Variants in ZNF703 observed in about 807,000 individuals in gnomAD.
ZNF703 encodes NocA-like zinc finger 1.
Under a neutral mutation model 30.7 loss-of-function variants are expected in ZNF703, and 18 were observed. The observed-to-expected ratio is 0.59, with a 90% CI of 0.40 to 0.87. ZNF703 has a LOEUF of 0.87. Ranked by LOEUF, ZNF703 falls within the 40% of genes least tolerant of loss-of-function variation. ZNF703 has a pLI of 0.00. For missense variants in ZNF703, 814 were observed against 847.8 expected, an observed-to-expected ratio of 0.96 and a Z score of 0.50; for synonymous variants, 457 against 438.6, an observed-to-expected ratio of 1.04 and a Z score of -0.52.
At position 37,697,990 on chromosome 8, in the gene ZNF703, C is replaced by A; in HGVS notation, c.1089C>A (p.Leu363=). 1 of 1,568,490 alleles carries A rather than the reference C, an allele frequency of 6.4e-7. No individual in the cohort carries two copies. Among genetic ancestry groups the A allele is most frequent in the East Asian group, 2.3e-5 (1 of 43,188 alleles). ...PPGKPPSSSP[L]TGASPPSFLQ... is the part of the protein sequence containing the mutation. ...GCAAGCCCCCCAGCTCCAGCCCGCT[C>A]ACCGGGGCCTCCCCGCCCTCCTTCC... The change falls in exon 2 of 2, where the codon CTC becomes CTA. Residue 363 remains leucine (L), a synonymous_variant. Transcript: ENST00000331569.
At position 37,698,336 on chromosome 8, in the gene ZNF703, A is replaced by G; in HGVS notation, c.1435A>G (p.Ser479Gly). Residue 479 changes from serine (S) to glycine (G), a missense_variant, in exon 2 of 2, where the codon AGC becomes GGC. By Grantham distance (56) the Ser-to-Gly change is moderately conservative. Transcript: ENST00000331569. Reference sequence around the variant, plus strand: ...CTTCGCCACCTCGGAGGAGCTGCTCAGCCACCTACGGACCCACACGGCCCT... The same window carrying G: ...CTTCGCCACCTCGGAGGAGCTGCTCGGCCACCTACGGACCCACACGGCCCT... ...KRFATSEELL[S>G]HLRTHTALPG... 2 of 1,540,254 alleles carry G rather than the reference A, an allele frequency of 1.3e-6. No homozygotes were observed. Among genetic ancestry groups the G allele is most frequent in the Non-Finnish European group, 1.7e-6 (2 of 1,144,462 alleles).
chr8:37,698,239 C>T lies in ZNF703; in HGVS notation c.1338C>T (p.Gly446=). ...ALPGHPLYTY[G]FMLQNEPLPH... is the part of the protein sequence containing the mutation. ...CCGGCCACCCGCTCTACACCTACGG[C>T]TTCATGCTGCAGAACGAACCGCTGC... The change falls in exon 2 of 2, where the codon GGC becomes GGT. Residue 446 remains glycine (G), a synonymous_variant. Transcript: ENST00000331569. 3.9e-6 allele frequency: 6 copies of T among 1,538,720 alleles called. No homozygotes were observed. The highest frequency in any genetic ancestry group is 5.2e-6 in the Non-Finnish European group (6 of 1,148,562).
rs1444410151 is a variant in ZNF703 at position 37,698,355 on chromosome 8, C to A, written c.1454C>A (p.Thr485Lys). 6.5e-7 allele frequency: 1 copy of A among 1,531,724 alleles called. No homozygotes were observed. Among genetic ancestry groups the A allele is most frequent in the Admixed American group, 2.0e-5 (1 of 49,608 alleles). The allele number at this position is 1,531,724 out of a possible 1,614,324, so 94.9% of individuals were successfully genotyped here. ...CTGCTCAGCCACCTACGGACCCACA[C>A]GGCCCTGCCGGGAGCCGAGAAACTT... ...EELLSHLRTH[T>K]ALPGAEKLLA... Residue 485 changes from threonine to lysine, a missense_variant, in exon 2 of 2, where the codon ACG (threonine) becomes AAG (lysine). Coordinates refer to ENST00000331569, the MANE Select transcript of ZNF703 (RefSeq NM_025069.3).
At position 37,698,532 on chromosome 8, in the gene ZNF703, G is replaced by C; in HGVS notation, c.1631G>C (p.Arg544Pro). The C allele has an allele frequency of 6.4e-7, 1 of 1,570,034 alleles. No individual in the cohort carries two copies. ...LRNPHTLGLS[R>P]YHPYGKSHLS... is the part of the protein sequence containing the mutation. ...AATCCACACACTTTGGGCCTAAGCC[G>C]GTACCACCCCTATGGCAAGAGCCAC... The change falls in exon 2 of 2, where the codon CGG becomes CCG. Residue 544 changes from arginine to proline, a missense_variant. Arg to Pro is a moderately radical substitution (Grantham distance 103). Coordinates refer to ENST00000331569, the MANE Select transcript of ZNF703 (RefSeq NM_025069.3).
rs1474642443 is a variant in ZNF703, at chr8:37,697,007, C to T, written c.244-138C>T. 9 of 1,078,114 alleles carry T rather than the reference C, an allele frequency of 8.3e-6. No homozygotes were observed. In the East Asian group the frequency reaches 2.1e-4, roughly 25 times the overall value. The allele number at this position is 1,078,114 out of a possible 1,614,324, so 66.8% of individuals were successfully genotyped here. A position where few individuals can be genotyped will look rare whatever the true frequency, so the allele number is the denominator to read the frequency against. On this transcript the variant is annotated intron_variant, in intron 1 of 1. Transcript: ENST00000331569. The stretch of plus-strand genomic sequence containing the variant: ...GTTCCGCCAGCTGCCGCGCCCGGCC[C>T]GGCCCTCGCTCGCAGACCCTCTCCC...
In ZNF703 at chr8:37,698,645, G is replaced by C; in HGVS notation, c.1744G>C (p.Ala582Pro). The change falls in exon 2 of 2, where the codon GCT becomes CCT. Residue 582 changes from alanine to proline, a missense_variant. Ala to Pro is a conservative substitution (Grantham distance 27, BLOSUM62 -1). Coordinates refer to ENST00000331569, the MANE Select transcript of ZNF703 (RefSeq NM_025069.3). ...SPYALYGQRL[A>P]SASALGYQ Reference sequence around the variant, plus strand: ...ATACGCGCTGTATGGACAGAGACTAGCTTCAGCCTCGGCGCTGGGATACCA... The same window carrying C: ...ATACGCGCTGTATGGACAGAGACTACCTTCAGCCTCGGCGCTGGGATACCA... 6.7e-7 allele frequency: 1 copy of C among 1,491,726 alleles called. No individual in the cohort carries two copies. Among genetic ancestry groups the C allele is most frequent in the Non-Finnish European group, 8.9e-7 (1 of 1,119,824 alleles). The allele number at this position is 1,491,726 out of a possible 1,614,324, so 92.4% of individuals were successfully genotyped here. A position where few individuals can be genotyped will look rare whatever the true frequency, so the allele number is the denominator to read the frequency against.
In ZNF703 at chr8:37,698,118, G is replaced by A; in HGVS notation, c.1217G>A (p.Gly406Glu). Residue 406 changes from glycine (G) to glutamate (E), a missense_variant, in exon 2 of 2, where the codon GGG becomes GAG. Coordinates refer to ENST00000331569, the MANE Select transcript of ZNF703 (RefSeq NM_025069.3). ...ACCTGCAGCGCGCACGACCCTGCCGGGCCCAGCCTGAAGGCGGGGGGCTAC... is the reference window on the plus strand; with the variant it reads ...ACCTGCAGCGCGCACGACCCTGCCGAGCCCAGCCTGAAGGCGGGGGGCTAC... ...CSTCSAHDPA[G>E]PSLKAGGYPL... is the part of the protein sequence containing the mutation. 2 of 1,531,758 alleles carry A rather than the reference G, an allele frequency of 1.3e-6. No homozygotes were observed. The highest frequency in any genetic ancestry group is 1.7e-6 in the Non-Finnish European group (2 of 1,145,174). 94.9% of individuals were successfully genotyped at this position (1,531,758 alleles called of 1,614,324 possible). A position where few individuals can be genotyped will look rare whatever the true frequency, so the allele number is the denominator to read the frequency against.
rs1260643172 is a variant in ZNF703, at chr8:37,696,966, C to G, written c.244-179C>G. On this transcript the variant is annotated intron_variant, in intron 1 of 1. Coordinates refer to ENST00000331569, the MANE Select transcript of ZNF703 (RefSeq NM_025069.3). This position sits in a 1 kb window ranked among gnomAD's most constrained non-coding sequence, Gnocchi z 8.2. ...GCCTGCGGCGCACCCCGGGACCCAG[C>G]GGCAGTGTGGGCGCAGTTCCGCCAG... 6.6e-6 allele frequency among the ~76,000 whole-genome samples: 1 copy of G among 152,046 alleles called. No homozygotes were observed. The highest frequency in any genetic ancestry group is 1.5e-5 in the Non-Finnish European group (1 of 67,982).
At position 37,697,489 on chromosome 8, in the gene ZNF703, C is replaced by A; in HGVS notation, c.588C>A (p.Ser196Arg). The change falls in exon 2 of 2, where the codon AGC becomes AGA. Residue 196 changes from serine (S) to arginine (R), a missense_variant. By Grantham distance (110) the Ser-to-Arg change is moderately radical. Coordinates refer to ENST00000331569, the MANE Select transcript of ZNF703 (RefSeq NM_025069.3). ...PGDKAGFRVP[S>R]AACPPFPPHG... Reference sequence around the variant, plus strand: ...ACAAGGCGGGCTTCAGGGTCCCCAGCGCCGCCTGCCCGCCCTTTCCCCCGC... The same window carrying A: ...ACAAGGCGGGCTTCAGGGTCCCCAGAGCCGCCTGCCCGCCCTTTCCCCCGC... The A allele has an allele frequency of 6.5e-7, 1 of 1,534,728 alleles. No individual in the cohort carries two copies. The highest frequency in any genetic ancestry group is 8.7e-7 in the Non-Finnish European group (1 of 1,145,386).
chr8:37,698,227 C>A lies in ZNF703; in HGVS notation c.1326C>A (p.Leu442=). The A allele has an allele frequency of 6.5e-7, 1 of 1,537,292 alleles. No individual in the cohort carries two copies. Among genetic ancestry groups the A allele is most frequent in the East Asian group, 2.4e-5 (1 of 40,928 alleles). The change falls in exon 2 of 2, where the codon CTC becomes CTA. Residue 442 remains leucine (L), a synonymous_variant. Transcript: ENST00000331569. The stretch of plus-strand genomic sequence containing the variant: ...AGGCCGCGCTCCCCGGCCACCCGCT[C>A]TACACCTACGGCTTCATGCTGCAGA... ...AAQAALPGHP[L]YTYGFMLQNE... is the part of the protein sequence containing the mutation.
rs1802118034 is a variant in ZNF703, at chr8:37,698,629, G to A, written c.1728G>A (p.Leu576=). Residue 576 remains leucine (L), a synonymous_variant, in exon 2 of 2, where the codon CTG becomes CTA. Coordinates refer to ENST00000331569, the MANE Select transcript of ZNF703 (RefSeq NM_025069.3). ...GACCCTACTATTCGCCATACGCGCT[G>A]TATGGACAGAGACTAGCTTCAGCCT... ...TAGPYYSPYA[L]YGQRLASASA... The A allele has an allele frequency of 2.0e-6, 3 of 1,529,944 alleles. No homozygotes were observed. Among genetic ancestry groups the A allele is most frequent in the Non-Finnish European group, 2.6e-6 (3 of 1,141,432 alleles). 94.8% of individuals were successfully genotyped at this position (1,529,944 alleles called of 1,614,324 possible).
Position 37,698,457 on chromosome 8 carries a change from A to C in ZNF703, c.1556A>C (p.His519Pro), listed in dbSNP as rs776775335. The change falls in exon 2 of 2, where the codon CAC (histidine) becomes CCC (proline). Residue 519 changes from histidine to proline, a missense_variant. Transcript: ENST00000331569. ...GCCGCCGCCGCCTCCTGCCATCTGC[A>C]CCTCCCCCCGCCCGCCGCCCCCGGC... ...AAAAAASCHLHLPPPAAPGSP... is the reference protein window; with the variant it reads ...AAAAAASCHLPLPPPAAPGSP... 1 of 1,490,490 alleles carries C rather than the reference A, an allele frequency of 6.7e-7. No individual in the cohort carries two copies. Among genetic ancestry groups the C allele is most frequent in the Admixed American group, 2.4e-5 (1 of 41,012 alleles). The allele number at this position is 1,490,490 out of a possible 1,614,324, so 92.3% of individuals were successfully genotyped here.
chr8:37,697,828 G>T lies in ZNF703; in HGVS notation c.927G>T (p.Pro309=). ...CGGGCCACTCGGTGTTCCCGCTGCC[G>T]CCCTCCAGCATTGGCTACCACGGCT... ...YKPGHSVFPL[P]PSSIGYHGSI... The change falls in exon 2 of 2, where the codon CCG becomes CCT. Residue 309 remains proline, a synonymous_variant. Transcript: ENST00000331569. 2 of 1,534,592 alleles carry T rather than the reference G, an allele frequency of 1.3e-6. No individual in the cohort carries two copies. The highest frequency in any genetic ancestry group is 1.7e-6 in the Non-Finnish European group (2 of 1,146,332).
chr8:37,698,133 C>CG lies in ZNF703; in HGVS notation c.1238dup (p.Tyr414LeufsTer231), dbSNP rs1466231428. The CG allele has an allele frequency of 1.3e-6, 2 of 1,529,966 alleles. No individual in the cohort carries two copies. Among genetic ancestry groups the CG allele is most frequent in the South Asian group, 1.2e-5 (1 of 83,420 alleles). 94.8% of individuals were successfully genotyped at this position (1,529,966 alleles called of 1,614,324 possible). On this transcript the variant is annotated frameshift_variant, in exon 2 of 2. Coordinates refer to ENST00000331569, the MANE Select transcript of ZNF703 (RefSeq NM_025069.3). LOFTEE classifies it high-confidence loss of function. ...GACCCTGCCGGGCCCAGCCTGAAGG[C>CG]GGGGGGCTACCCGCTGGTGTACCCC...
chr8:37,697,558 C>A lies in ZNF703; in HGVS notation c.657C>A (p.Gly219=). The A allele has an allele frequency of 6.9e-7, 1 of 1,459,540 alleles. No homozygotes were observed. Among genetic ancestry groups the A allele is most frequent in the South Asian group, 1.4e-5 (1 of 72,128 alleles). 90.4% of individuals were successfully genotyped at this position (1,459,540 alleles called of 1,614,324 possible). Residue 219 remains glycine (G), a synonymous_variant, in exon 2 of 2, where the codon GGC becomes GGA. Transcript: ENST00000331569. The part of the protein sequence containing the change: ...VSASSSSSSP[G]GSRGGSPHHS... ...CATCCTCGTCCTCGTCGTCGCCCGG[C>A]GGCTCCCGCGGCGGCTCCCCGCACC...
Position 37,695,889 on chromosome 8 carries a change from A to G in ZNF703, c.-91A>G, listed in dbSNP as rs1802058122. 8 of 1,243,428 alleles carry G rather than the reference A, an allele frequency of 6.4e-6. No individual in the cohort carries two copies. Among genetic ancestry groups the G allele is most frequent in the Non-Finnish European group, 7.4e-6 (7 of 944,280 alleles). 77.0% of individuals were successfully genotyped at this position (1,243,428 alleles called of 1,614,324 possible). A position where few individuals can be genotyped will look rare whatever the true frequency, so the allele number is the denominator to read the frequency against. On this transcript the variant is annotated 5_prime_UTR_variant, in exon 1 of 2. Transcript: ENST00000331569. ...CGCAGCTCCCGCTGCACCGCGATCG[A>G]CGCTGCGGAGCGAGCCCACCCGCCC...
chr8:37,698,706 C>CCCTCCTCCCTCTCCCT lies in ZNF703; in HGVS notation c.*44_*59dup. The CCCTCCTCCCTCTCCCT allele has an allele frequency of 3.6e-6, 5 of 1,391,574 alleles. No individual in the cohort carries two copies. The highest frequency in any genetic ancestry group is 9.3e-7 in the Non-Finnish European group (1 of 1,070,028). The allele number at this position is 1,391,574 out of a possible 1,614,324, so 86.2% of individuals were successfully genotyped here. A position where few individuals can be genotyped will look rare whatever the true frequency, so the allele number is the denominator to read the frequency against. On this transcript the variant is annotated 3_prime_UTR_variant, in exon 2 of 2. Coordinates refer to ENST00000331569, the MANE Select transcript of ZNF703 (RefSeq NM_025069.3). The stretch of plus-strand genomic sequence containing the variant: ...CTCTTCCTCCACCCCAGCCCCCTCA[C>CCCTCCTCCCTCTCCCT]CCTCCTCCCTCTCCCTCCTCCTCCC...
chr8:37,697,692 G>A lies in ZNF703; in HGVS notation c.791G>A (p.Gly264Glu). Residue 264 changes from glycine (G) to glutamate (E), a missense_variant, in exon 2 of 2, where the codon GGG (glycine) becomes GAG (glutamate). Gly to Glu is a moderately conservative substitution (Grantham distance 98). Coordinates refer to ENST00000331569, the MANE Select transcript of ZNF703 (RefSeq NM_025069.3). ...EPAAVSRGGGGEPGAHGGAES... is the reference protein window; with the variant it reads ...EPAAVSRGGGEEPGAHGGAES... Reference sequence around the variant, plus strand: ...GCAGCCGTGAGCCGCGGCGGCGGTGGGGAGCCCGGGGCGCACGGTGGCGCC... The same window carrying A: ...GCAGCCGTGAGCCGCGGCGGCGGTGAGGAGCCCGGGGCGCACGGTGGCGCC... 1.5e-6 allele frequency: 2 copies of A among 1,332,596 alleles called. No individual in the cohort carries two copies. Among genetic ancestry groups the A allele is most frequent in the Non-Finnish European group, 1.9e-6 (2 of 1,049,444 alleles). The allele number at this position is 1,332,596 out of a possible 1,614,324, so 82.5% of individuals were successfully genotyped here.
At position 37,697,297 on chromosome 8, in the gene ZNF703, C is replaced by T. The variant is rs757385010; in HGVS notation, c.396C>T (p.Gly132=). Residue 132 remains glycine, a synonymous_variant, in exon 2 of 2, where the codon GGC becomes GGT. Transcript: ENST00000331569. The part of the protein sequence containing the change: ...AEKDPGRSAP[G]AASAAAALKQ... ...AGGACCCCGGCCGCTCAGCCCCGGG[C>T]GCCGCCTCCGCAGCCGCGGCCCTGA... 1.3e-6 allele frequency: 2 copies of T among 1,565,506 alleles called. No homozygotes were observed. Among genetic ancestry groups the T allele is most frequent in the East Asian group, 4.8e-5 (2 of 41,666 alleles).
Sources: gnomAD v4.1 joint callset for allele counts (sites outside exome capture counted in the v4.1 genomes callset) on GRCh38, gnomAD v4.1.1 for gene constraint, Gnocchi (gnomAD v3.1) non-coding constraint, MANE v1.5 for transcripts, NCBI Gene and HGNC (gene_info 2026-07-23, HGNC 2026-07-21) for gene names.